LSP1: variants seen among roughly 807,000 people sequenced by gnomAD.
The protein encoded by LSP1 is lymphocyte specific protein 1.
A neutral mutation model predicts 49.3 loss-of-function variants in LSP1; 32 were observed. That is an observed-to-expected ratio of 0.65 (90% CI 0.49 to 0.87). The LOEUF is 0.87. Ranked by LOEUF, LSP1 falls within the 40% of genes least tolerant of loss-of-function variation. LSP1 has a pLI of 0.00. For synonymous variants in LSP1, 179 were observed against 178.8 expected (o/e 1.00, Z -0.01); for missense variants, 428 against 442.6 (o/e 0.97, Z 0.30).
In LSP1 at chr11:1,866,326, G is replaced by A; in HGVS notation, c.53+13129G>A. The A allele has an allele frequency of 8.6e-6, 6 of 700,258 alleles. 1 individual carries two copies. Among genetic ancestry groups the A allele is most frequent in the Non-Finnish European group, 1.4e-5 (6 of 443,438 alleles). 43.4% of individuals were successfully genotyped at this position (700,258 alleles called of 1,614,324 possible). ...CGGTCGGCTTGCCACTGCCCACCCA[G>A]GCCAGGCACTCAGTGCTGAGACTCT... On this transcript the variant is annotated intron_variant, in intron 1 of 10. Transcript: ENST00000311604.
At chr11:1,888,979 C>G (rs1260984441) in intron 10 of LSP1, 2 of 528,714 alleles carry the variant, frequency 3.8e-6, no homozygotes, top group East Asian at 3.3e-5. Context: ...CCTAACCATG[C>G]AGACTTCCCT....
At chr11:1,869,566 G>C (rs535544749) in intron 1 of LSP1, 2 of 458,382 alleles carry the variant, frequency 4.4e-6, no homozygotes, top group Non-Finnish European at 9.2e-6. Context: ...CCGACCCCAG[G>C]TGTGGGAGGA....
chr11:1,864,160 G>A, intron 1 of LSP1: 1 of 985,758 alleles, frequency 1.0e-6, no homozygotes, highest in Non-Finnish European at 1.2e-6. Flanking sequence ...AGAGGAGAGA[G>A]GGGCTGAGTG....
intron 1 of LSP1, among the ~76,000 whole-genome samples, chr11:1,855,204 T>C (rs1419239905): frequency 6.6e-6 from 1 of 152,146 alleles, no homozygotes; most frequent in Non-Finnish European, 1.5e-5. Context: ...TTTCACAAGG[T>C]GACTAAGGGA....
At chr11:1,866,791 A>C (rs1565074311) in intron 1 of LSP1, 1 of 1,550,440 alleles carries the variant, frequency 6.4e-7, no homozygotes, top group Non-Finnish European at 8.7e-7. Context: ...AAGAGAAGGA[A>C]GTGCAGCCCC....
In LSP1 at chr11:1,887,467, C is replaced by G. The variant is rs1158992079; in HGVS notation, c.931-7C>G. The G allele has an allele frequency of 3.7e-6, 6 of 1,613,570 alleles. No homozygotes were observed. Among genetic ancestry groups the G allele is most frequent in the South Asian group, 1.1e-5 (1 of 91,064 alleles). Reference sequence around the variant, plus strand: ...TCACCTTCACTCTTGGTCTCCTTTCCCAACAGAGCACCCCATCTGGGAAGA... The same window carrying G: ...TCACCTTCACTCTTGGTCTCCTTTCGCAACAGAGCACCCCATCTGGGAAGA... On this transcript the variant is annotated splice_polypyrimidine_tract_variant and splice_region_variant and intron_variant, in intron 9 of 10. Transcript: ENST00000311604.
At chr11:1,853,227 T>A (rs1168754168) in intron 1 of LSP1, 30 bp downstream of exon 1, 3 of 1,600,182 alleles carry the variant, frequency 1.9e-6, no homozygotes, top group Non-Finnish European at 2.6e-6. Flanking sequence ...CCCGGCGCCC[T>A]GTGCCGTGTC....
Position 1,884,624 on chromosome 11 carries a change from C to T in LSP1, c.717+43C>T. The T allele has an allele frequency of 6.5e-7, 1 of 1,540,590 alleles. No homozygotes were observed. Among genetic ancestry groups the T allele is most frequent in the Non-Finnish European group, 9.0e-7 (1 of 1,114,652 alleles). ...TCTGCTGTCAGGTCCCTCCTGCATC[C>T]TGGCACCATTCCTTCATCCAACCAA... On this transcript the variant is annotated intron_variant, in intron 7 of 10. Coordinates refer to ENST00000311604, the MANE Select transcript of LSP1 (RefSeq NM_002339.3). This position sits in a 1 kb window ranked among gnomAD's most constrained non-coding sequence, Gnocchi z 4.1.
At chr11:1,865,461 G>A (rs939896753) in intron 1 of LSP1, among the ~76,000 whole-genome samples, 8 of 151,874 alleles carry the variant, frequency 5.3e-5, no homozygotes, top group African/African-American at 1.9e-4. Context: ...CTTCCTCCTG[G>A]CTCCTGGCAG....
rs762959419 is a variant in LSP1, at chr11:1,881,529, G to A, written c.289G>A (p.Ala97Thr). Residue 97 changes from alanine to threonine, a missense_variant, in exon 3 of 11, where the codon GCG (alanine) becomes ACG (threonine). By Grantham distance (58) the Ala-to-Thr change is moderately conservative (BLOSUM62 0). Transcript: ENST00000311604. ...RPEQRQQHEGAQGALDSGEPP... is the reference protein window; with the variant it reads ...RPEQRQQHEGTQGALDSGEPP... ...AGAGCAGCGGCAGCAGCACGAGGGGGCGCAGGGCGCCTTGGACAGCGGAGA... is the reference window on the plus strand; with the variant it reads ...AGAGCAGCGGCAGCAGCACGAGGGGACGCAGGGCGCCTTGGACAGCGGAGA... The A allele has an allele frequency of 5.8e-6, 9 of 1,555,980 alleles. No homozygotes were observed. Among genetic ancestry groups the A allele is most frequent in the Non-Finnish European group, 7.8e-6 (9 of 1,149,452 alleles).
At chr11:1,890,208 G>T (rs549596227) in intron 10 of LSP1, 1 of 716,962 alleles carries the variant, frequency 1.4e-6, no homozygotes, top group Non-Finnish European at 2.6e-6. Flanking sequence ...CTTCTGCAGG[G>T]GTGATGCCAC....
At chr11:1,878,324 C>A (rs1848396177) in intron 1 of LSP1, among the ~76,000 whole-genome samples, 1 of 152,244 alleles carries the variant, frequency 6.6e-6, no homozygotes, top group South Asian at 2.1e-4. Context: ...GAACAAGGCC[C>A]AGCAGCCCCC....
Position 1,884,308 on chromosome 11 carries a change from G to C in LSP1, c.620G>C (p.Arg207Pro), listed in dbSNP as rs764746759. The change falls in exon 6 of 11, where the codon CGC becomes CCC. Residue 207 changes from arginine (R) to proline (P), a missense_variant. By Grantham distance (103) the Arg-to-Pro change is moderately radical (BLOSUM62 -2). Transcript: ENST00000311604. The surrounding 1 kb of genome is among the most constrained non-coding windows in gnomAD (Gnocchi z 4.1). ...KLIDRTESLN[R>P]SIEKSNSVKK... ...ATCGACAGGACCGAGTCCCTAAACCGCTCCATAGAGAAGAGGTCTGTCTGT... is the reference window on the plus strand; with the variant it reads ...ATCGACAGGACCGAGTCCCTAAACCCCTCCATAGAGAAGAGGTCTGTCTGT... 6.2e-7 allele frequency: 1 copy of C among 1,614,032 alleles called. No homozygotes were observed. Among genetic ancestry groups the C allele is most frequent in the Admixed American group, 1.7e-5 (1 of 59,996 alleles).
Position 1,884,171 on chromosome 11 carries a change from C to A in LSP1, c.592-109C>A. The A allele has an allele frequency of 2.7e-6, 4 of 1,473,988 alleles. No homozygotes were observed. Among genetic ancestry groups the A allele is most frequent in the Middle Eastern group, 1.7e-4 (1 of 5,770 alleles). 91.3% of individuals were successfully genotyped at this position (1,473,988 alleles called of 1,614,324 possible). On this transcript the variant is annotated intron_variant, in intron 5 of 10. Coordinates refer to ENST00000311604, the MANE Select transcript of LSP1 (RefSeq NM_002339.3). This position sits in a 1 kb window ranked among gnomAD's most constrained non-coding sequence, Gnocchi z 4.1. ...CCATTGCCCGGTGCTCAGCGAACCC[C>A]CATGATATAAGGGTTGGGGGTTGGA...
At chr11:1,873,379 A>G (rs865881112) in intron 1 of LSP1, among the ~76,000 whole-genome samples, 2 of 151,956 alleles carry the variant, frequency 1.3e-5, no homozygotes, top group Admixed American at 6.6e-5. Flanking sequence ...CTTGATCCAC[A>G]TCATGGGTCA....
At chr11:1,874,382 C>T (rs1250914610) in intron 1 of LSP1, among the ~76,000 whole-genome samples, 2 of 151,954 alleles carry the variant, frequency 1.3e-5, no homozygotes, top group African/African-American at 2.4e-5. Context: ...TCTGGTCTCC[C>T]GACACCCCTT....
At chr11:1,859,974 TG>T (rs1324306154) in intron 1 of LSP1, among the ~76,000 whole-genome samples, 1 of 152,198 alleles carries the variant, frequency 6.6e-6, no homozygotes, top group African/African-American at 2.4e-5. Context: ...GATGCTGCTC[TG>T]TGAACATACA....
chr11:1,857,778 A>T (rs745874299), intron 1 of LSP1, among the ~76,000 whole-genome samples: 1 of 152,140 alleles, frequency 6.6e-6, no homozygotes, highest in Non-Finnish European at 1.5e-5. Context: ...TATTTGAGAC[A>T]GAGTCTCGCT....
intron 1 of LSP1, among the ~76,000 whole-genome samples, chr11:1,861,249 C>A (rs1428695450): frequency 1.3e-5 from 2 of 152,224 alleles, no homozygotes; most frequent in Non-Finnish European, 2.9e-5. Flanking sequence ...TATCAATCCC[C>A]TCCAGAACTC....
Sources: allele counts gnomAD v4.1 joint callset (sites outside exome capture counted in the v4.1 genomes callset), GRCh38; gene constraint gnomAD v4.1.1; non-coding constraint Gnocchi (gnomAD v3.1); transcripts MANE v1.5; gene names NCBI Gene and HGNC (gene_info 2026-07-23, HGNC 2026-07-21).